Variants in OXR1 observed in about 807,000 individuals in gnomAD.
OXR1 encodes the protein oxidation resistance protein 1.
In OXR1, 41 loss-of-function variants were observed where a neutral mutation model predicts 104.6. The observed-to-expected ratio is 0.39, with a 90% CI of 0.31 to 0.51. The LOEUF is 0.51. OXR1 is among the 20% of genes least tolerant of loss of function. The pLI is 0.77. For synonymous variants in OXR1, 348 were observed against 348.4 expected, an observed-to-expected ratio of 1.00 and a Z score of 0.01; for missense variants, 955 against 1,031.9, an observed-to-expected ratio of 0.93 and a Z score of 1.02.
At chr8:106,487,084 C>A (rs1177605648) in intron 2 of OXR1, among the ~76,000 whole-genome samples, 1 of 146,546 alleles carries the variant, frequency 6.8e-6, no homozygotes, top group Non-Finnish European at 1.5e-5. Context: ...AGAGCAGTGG[C>A]AGGATCTCAG....
At chr8:106,289,986 G>A (rs1295566137) in intron 1 of OXR1, among the ~76,000 whole-genome samples, 3 of 152,122 alleles carry the variant, frequency 2.0e-5, no homozygotes, top group African/African-American at 7.2e-5. Flanking sequence ...CTTCCACCAT[G>A]ATTGTAAGTT....
chr8:106,531,235 G>A (rs749834213), intron 3 of OXR1, among the ~76,000 whole-genome samples: 3 of 152,074 alleles, frequency 2.0e-5, no homozygotes, highest in African/African-American at 2.4e-5. Flanking sequence ...ACTAATATGC[G>A]TTGGATTTAA....
At chr8:106,614,494 A>T (rs1434280768) in intron 3 of OXR1, among the ~76,000 whole-genome samples, 2 of 152,240 alleles carry the variant, frequency 1.3e-5, no homozygotes, top group Non-Finnish European at 2.9e-5. Flanking sequence ...GACTGCCGTA[A>T]ATCAGAGCTT....
At position 106,748,041 on chromosome 8, in the gene OXR1, G is replaced by C. The variant is rs191800036; in HGVS notation, c.2486+2179G>C. On this transcript the variant is annotated intron_variant, in intron 16 of 16. Coordinates refer to ENST00000517566, the MANE Select transcript of OXR1 (RefSeq NM_001198533.2). ...ATAGATTGGCTATGATAGTCTATTCGCGCTTTTAAGGCTCATGGATTCAGA... is the reference window on the plus strand; with the variant it reads ...ATAGATTGGCTATGATAGTCTATTCCCGCTTTTAAGGCTCATGGATTCAGA... 7.2e-5 allele frequency among the ~76,000 whole-genome samples: 11 copies of C among 152,118 alleles called. No homozygotes were observed. In the East Asian group the frequency reaches 1.7e-3, roughly 24 times the overall value.
chr8:106,599,214 G>A (rs1453637242), intron 3 of OXR1, among the ~76,000 whole-genome samples: 4 of 152,154 alleles, frequency 2.6e-5, no homozygotes, highest in Admixed American at 6.5e-5. Flanking sequence ...AGATGAAAAT[G>A]TCAGTATTTC....
At chr8:106,512,439 A>G (rs932170259) in intron 2 of OXR1, among the ~76,000 whole-genome samples, 1 of 145,440 alleles carries the variant, frequency 6.9e-6, no homozygotes, top group African/African-American at 2.4e-5. Context: ...GGACTATAAT[A>G]AGTGGATAGA....
chr8:106,554,805 AT>A (rs1816138341), intron 3 of OXR1, among the ~76,000 whole-genome samples: 1 of 152,152 alleles, frequency 6.6e-6, no homozygotes, highest in Non-Finnish European at 1.5e-5. Context: ...AGCAGGGAAG[AT>A]TTTTTAATAT....
At chr8:106,414,431 A>G (rs1433343790) in intron 2 of OXR1, among the ~76,000 whole-genome samples, 1 of 152,150 alleles carries the variant, frequency 6.6e-6, no homozygotes, top group Non-Finnish European at 1.5e-5. Flanking sequence ...TTGTGACACG[A>G]TTATTATATA....
intron 2 of OXR1, among the ~76,000 whole-genome samples, chr8:106,440,521 G>A (rs1475521450): frequency 6.6e-6 from 1 of 151,976 alleles, no homozygotes; most frequent in East Asian, 1.9e-4. Context: ...TCTAGTTCTG[G>A]GTGATAGAAT....
At chr8:106,325,418 G>A (rs184502417) in intron 1 of OXR1, among the ~76,000 whole-genome samples, 120 of 152,230 alleles carry the variant, frequency 7.9e-4, no homozygotes, top group South Asian at 2.3e-3. Flanking sequence ...GCCCAAGAGC[G>A]CAAATGAGAT....
intron 2 of OXR1, among the ~76,000 whole-genome samples, chr8:106,387,139 T>G (rs1189080172): frequency 1.3e-5 from 2 of 152,208 alleles, no homozygotes; most frequent in Admixed American, 1.3e-4. Flanking sequence ...GAGTGAGCAT[T>G]AGTGCCATGC....
At chr8:106,441,759 T>C (rs1357658588) in intron 2 of OXR1, among the ~76,000 whole-genome samples, 1 of 152,220 alleles carries the variant, frequency 6.6e-6, no homozygotes. Context: ...TTTTCACACA[T>C]TGATTTTGTA....
intron 11 of OXR1, among the ~76,000 whole-genome samples, chr8:106,722,477 C>T (rs545102489): frequency 5.9e-5 from 9 of 152,086 alleles, no homozygotes; most frequent in Admixed American, 1.3e-4. Context: ...TTTCATAATA[C>T]GGTCATGCAG....
At chr8:106,646,115 T>TC (rs1824057702) in intron 3 of OXR1, among the ~76,000 whole-genome samples, 1 of 151,992 alleles carries the variant, frequency 6.6e-6, no homozygotes, top group African/African-American at 2.4e-5. Context: ...CTTTTTTTTT[T>TC]CTTTTTTTGA....
chr8:106,428,106 T>C (rs1037988526), intron 2 of OXR1, among the ~76,000 whole-genome samples: 1 of 152,186 alleles, frequency 6.6e-6, no homozygotes, highest in African/African-American at 2.4e-5. Flanking sequence ...ATGGCTTACA[T>C]GAGTACTAGG....
chr8:106,271,795 G>C (rs1811823600), intron 1 of OXR1: 1 of 152,074 alleles, frequency 6.6e-6, no homozygotes, highest in Admixed American at 6.6e-5. Flanking sequence ...TCTCTGATTC[G>C]GCACTCTAAG....
At chr8:106,631,990 C>T (rs1822725884) in intron 3 of OXR1, among the ~76,000 whole-genome samples, 1 of 151,772 alleles carries the variant, frequency 6.6e-6, no homozygotes, top group African/African-American at 2.4e-5. Context: ...GATCAGAGGC[C>T]CTGGGAATAT....
intron 2 of OXR1, among the ~76,000 whole-genome samples, chr8:106,472,298 CA>C (rs1821533312): frequency 6.6e-6 from 1 of 151,580 alleles, no homozygotes. Flanking sequence ...CACATTTTAA[CA>C]GTTTGGGGCT....
chr8:106,679,085 C>A, intron 3 of OXR1, 125 bp from the exon 4 acceptor site: 1 of 486,754 alleles, frequency 2.1e-6, no homozygotes. Flanking sequence ...TACAGCAGAG[C>A]ATCCCAGGGA....
Sources: gnomAD v4.1 joint callset for allele counts (sites outside exome capture counted in the v4.1 genomes callset) on GRCh38, gnomAD v4.1.1 for gene constraint, MANE v1.5 for transcripts, NCBI Gene and HGNC (gene_info 2026-07-23, HGNC 2026-07-21) for gene names.